CCDC178: variants seen among roughly 807,000 people sequenced by gnomAD.
CCDC178 encodes the protein coiled-coil domain-containing protein 178.
CCDC178 carries 126 observed loss-of-function variants against 117.4 expected under a neutral mutation model. The ratio of observed to expected loss-of-function variants is 1.07; its 90% CI spans 0.93 to 1.24. The LOEUF (loss-of-function observed/expected upper bound fraction) is 1.24. Ranked by LOEUF, CCDC178 falls within the 50% of genes most tolerant of loss-of-function variation. The pLI is 0.00. For synonymous variants in CCDC178, 283 were observed against 313.4 expected, an observed-to-expected ratio of 0.90 and a Z score of 1.02; for missense variants, 1,030 against 986.9, an observed-to-expected ratio of 1.04 and a Z score of -0.59.
chr18:32,941,732 A>G (rs2054243392), intron 22 of CCDC178, among the ~76,000 whole-genome samples: 1 of 152,174 alleles, frequency 6.6e-6, no homozygotes, highest in African/African-American at 2.4e-5. Context: ...AGGTCCTGCT[A>G]CTGAGCTTAG....
At chr18:33,083,630 A>T (rs1360595463) in intron 21 of CCDC178, among the ~76,000 whole-genome samples, 1 of 152,216 alleles carries the variant, frequency 6.6e-6, no homozygotes, top group African/African-American at 2.4e-5. Context: ...CACAGACAAG[A>T]CATACCAGGC....
chr18:33,073,529 ATCTATCTATCTATCTATCTATC>A (rs2057148174), intron 21 of CCDC178, among the ~76,000 whole-genome samples: 2 of 148,946 alleles, frequency 1.3e-5, no homozygotes, highest in Admixed American at 1.3e-4. Flanking sequence ...CTATCTATCT[ATCTATCTATCTATCTATCTATC>A]TATATATATA....
intron 12 of CCDC178, among the ~76,000 whole-genome samples, chr18:33,291,402 C>A (rs1599114270): frequency 6.6e-6 from 1 of 151,968 alleles, no homozygotes; most frequent in East Asian, 1.9e-4. Flanking sequence ...GCAGGAAAAT[C>A]ATGAGCAGGT....
At chr18:33,296,524 G>C (rs2062108259) in intron 11 of CCDC178, among the ~76,000 whole-genome samples, 1 of 152,090 alleles carries the variant, frequency 6.6e-6, no homozygotes, top group Non-Finnish European at 1.5e-5. Flanking sequence ...GAAGAAGCTG[G>C]AGGAAGGGTA....
At chr18:32,943,390 CAATT>C (rs2054281239) in intron 22 of CCDC178, among the ~76,000 whole-genome samples, 2 of 152,222 alleles carry the variant, frequency 1.3e-5, no homozygotes, top group East Asian at 3.9e-4. Context: ...TGGGGGGAAA[CAATT>C]AAATCTGTGG....
intron 6 of CCDC178, among the ~76,000 whole-genome samples, chr18:33,369,155 C>T (rs928598790): frequency 6.6e-6 from 1 of 151,864 alleles, no homozygotes; most frequent in Non-Finnish European, 1.5e-5. Context: ...TAACACAATG[C>T]TGATATAGAA....
At chr18:33,351,256 G>A (rs1193670050) in intron 7 of CCDC178, among the ~76,000 whole-genome samples, 5 of 151,898 alleles carry the variant, frequency 3.3e-5, no homozygotes, top group African/African-American at 7.2e-5. Flanking sequence ...GCAGTGGAGC[G>A]ATCTTGGCTC....
At position 32,937,739 on chromosome 18, in the gene CCDC178, T is replaced by C. The variant is rs1483558078; in HGVS notation, c.*272A>G. The C allele has an allele frequency of 5.1e-6, 2 of 389,542 alleles. No individual in the cohort carries two copies. The highest frequency in any genetic ancestry group is 4.3e-5 in the East Asian group (1 of 23,492). The allele number at this position is 389,542 out of a possible 1,614,324, so 24.1% of individuals were successfully genotyped here. A position where few individuals can be genotyped will look rare whatever the true frequency, so the allele number is the denominator to read the frequency against. On this transcript the variant is annotated 3_prime_UTR_variant, in exon 23 of 23. Coordinates refer to ENST00000383096, the MANE Select transcript of CCDC178 (RefSeq NM_001105528.4). ...TTCTCTCTTCCAATTAATGGTGACA[T>C]AGATTAATTATCAGATGAGGCAAAG... is the stretch of plus-strand genomic sequence containing the variant.
At chr18:33,247,165 G>A (rs1455092822) in intron 14 of CCDC178, among the ~76,000 whole-genome samples, 2 of 151,518 alleles carry the variant, frequency 1.3e-5, no homozygotes, top group Admixed American at 6.6e-5. Context: ...TTTAGAATGG[G>A]AGGCCTCAAA....
chr18:33,196,422 C>G (rs1027855450), intron 20 of CCDC178, among the ~76,000 whole-genome samples: 1 of 152,140 alleles, frequency 6.6e-6, no homozygotes, highest in African/African-American at 2.4e-5. Flanking sequence ...TATGTTTCCC[C>G]TTGGCTAATT....
At chr18:33,228,476 G>A (rs984417498) in intron 15 of CCDC178, among the ~76,000 whole-genome samples, 1 of 152,218 alleles carries the variant, frequency 6.6e-6, no homozygotes, top group African/African-American at 2.4e-5. Flanking sequence ...CATTTAAATA[G>A]ATAAGAAGCC....
intron 20 of CCDC178, among the ~76,000 whole-genome samples, chr18:33,206,873 A>C (rs1015534316): frequency 1.3e-5 from 2 of 152,188 alleles, no homozygotes; most frequent in African/African-American, 4.8e-5. Context: ...AAGCCCCCTG[A>C]TAAAATTGGG....
chr18:33,265,136 AG>A (rs2059796873), intron 14 of CCDC178, among the ~76,000 whole-genome samples: 1 of 152,172 alleles, frequency 6.6e-6, no homozygotes, highest in Admixed American at 6.6e-5. Flanking sequence ...TTCACATACA[AG>A]AAAGTTTTAC....
At chr18:33,383,856 G>A (rs1036842622) in intron 5 of CCDC178, among the ~76,000 whole-genome samples, 9 of 152,128 alleles carry the variant, frequency 5.9e-5, no homozygotes, top group South Asian at 2.1e-4. Flanking sequence ...TGGGGCCGAA[G>A]CTGAGATGGA....
intron 11 of CCDC178, among the ~76,000 whole-genome samples, chr18:33,296,398 C>T (rs1353340316): frequency 6.6e-6 from 1 of 151,716 alleles, no homozygotes; most frequent in Non-Finnish European, 1.5e-5. Flanking sequence ...TAAACACACA[C>T]ACACATACAT....
At chr18:33,369,255 C>G (rs1280419337) in intron 6 of CCDC178, among the ~76,000 whole-genome samples, 3 of 151,918 alleles carry the variant, frequency 2.0e-5, no homozygotes, top group African/African-American at 7.2e-5. Context: ...ATCACTATCT[C>G]TTCATTCCCA....
chr18:32,970,042 T>C (rs952662733), intron 22 of CCDC178, among the ~76,000 whole-genome samples: 1 of 152,094 alleles, frequency 6.6e-6, no homozygotes, highest in African/African-American at 2.4e-5. Flanking sequence ...TTACTAGGGC[T>C]GGGACAGGCC....
intron 22 of CCDC178, among the ~76,000 whole-genome samples, chr18:32,973,547 T>C (rs1348813960): frequency 1.3e-5 from 2 of 152,026 alleles, no homozygotes; most frequent in Non-Finnish European, 2.9e-5. Context: ...TAACCCACTG[T>C]CAAAACAACC....
chr18:32,949,377 A>AT (rs1353282977), intron 22 of CCDC178, among the ~76,000 whole-genome samples: 1 of 152,046 alleles, frequency 6.6e-6, no homozygotes, highest in Non-Finnish European at 1.5e-5. Flanking sequence ...CAAGTGTCAC[A>AT]TTTATTAGGT....
Sources: gnomAD v4.1 joint callset for allele counts (sites outside exome capture counted in the v4.1 genomes callset) on GRCh38, gnomAD v4.1.1 for gene constraint, MANE v1.5 for transcripts, NCBI Gene and HGNC (gene_info 2026-07-23, HGNC 2026-07-21) for gene names.